The following PGS1 variants were observed in gnomAD, a reference collection of about 807,000 sequenced individuals.
PGS1 encodes the protein phosphatidylglycerophosphate synthase 1, also known as CDP-diacylglycerol--glycerol-3-phosphate 3-phosphatidyltransferase, mitochondrial.
PGS1 carries 44 observed loss-of-function variants against 58.3 expected under a neutral mutation model. The observed-to-expected ratio is 0.75, with a 90% confidence interval of 0.59 to 0.97. The LOEUF is 0.97. PGS1 is among the 50% of genes least tolerant of loss of function. The pLI, the probability that PGS1 is intolerant of heterozygous loss-of-function variation, is 0.00. For synonymous variants in PGS1, 330 were observed against 311.0 expected (o/e 1.06, Z -0.64); for missense variants, 684 against 731.1 (o/e 0.94, Z 0.74).
chr17:78,398,209 C>G (rs2083391810), intron 3 of PGS1, 43 bp from the exon 4 acceptor site: 1 of 1,372,124 alleles, frequency 7.3e-7, no homozygotes, highest in South Asian at 1.2e-5. Context: ...ATACACACAC[C>G]TCTTTGGGTC....
chr17:78,391,022 T>C (rs11653383), intron 1 of PGS1, among the ~76,000 whole-genome samples: 93,842 of 151,810 alleles, frequency 0.62, 29,068 homozygotes, highest in Admixed American at 0.65. Flanking sequence ...CTCACTGCAA[T>C]CTCCGCCTCC....
chr17:78,382,374 C>A (rs1298563557), intron 1 of PGS1, among the ~76,000 whole-genome samples: 1 of 151,954 alleles, frequency 6.6e-6, no homozygotes, highest in East Asian at 1.9e-4. Context: ...GAAGTCGGGG[C>A]AGTGGGAGCA....
intron 8 of PGS1, among the ~76,000 whole-genome samples, chr17:78,416,890 C>G (rs188989394): frequency 6.6e-6 from 1 of 152,186 alleles, no homozygotes; most frequent in Admixed American, 6.5e-5. Context: ...CTAGCCTCCC[C>G]ACAACCCAGA....
chr17:78,384,500 C>CAG (rs2082244634), intron 1 of PGS1, among the ~76,000 whole-genome samples: 1 of 152,104 alleles, frequency 6.6e-6, no homozygotes, highest in Admixed American at 6.5e-5. Context: ...TATTGCAATC[C>CAG]AGAGAGCTCA....
intron 7 of PGS1, among the ~76,000 whole-genome samples, chr17:78,406,842 G>A (rs1286167034): frequency 1.3e-5 from 2 of 152,216 alleles, no homozygotes; most frequent in East Asian, 1.9e-4. Flanking sequence ...CACTGTGCTG[G>A]AACGATGAGG....
At chr17:78,418,672 T>C (rs553473037) in intron 8 of PGS1, among the ~76,000 whole-genome samples, 1 of 152,300 alleles carries the variant, frequency 6.6e-6, no homozygotes, top group Non-Finnish European at 1.5e-5. Flanking sequence ...TAGCGCATAG[T>C]GATTTTCTTG....
At chr17:78,414,259 A>G (rs1357896855) in intron 7 of PGS1, among the ~76,000 whole-genome samples, 3 of 152,146 alleles carry the variant, frequency 2.0e-5, no homozygotes, top group Non-Finnish European at 4.4e-5. Flanking sequence ...TTCAAGGCAG[A>G]CCTGTTCTTA....
At chr17:78,423,348 G>A (rs1467236210) in intron 9 of PGS1, among the ~76,000 whole-genome samples, 1 of 152,166 alleles carries the variant, frequency 6.6e-6, no homozygotes, top group Admixed American at 6.5e-5. Context: ...TGGGGGCGGG[G>A]GCTTGGGTGT....
At chr17:78,409,925 A>G (rs1464590476) in intron 7 of PGS1, among the ~76,000 whole-genome samples, 1 of 152,232 alleles carries the variant, frequency 6.6e-6, no homozygotes, top group Non-Finnish European at 1.5e-5. Flanking sequence ...AATCTGGCCA[A>G]CATAGTGAAA....
chr17:78,397,572 G>A (rs537270518), intron 3 of PGS1, among the ~76,000 whole-genome samples: 6 of 144,624 alleles, frequency 4.1e-5, no homozygotes, highest in Admixed American at 3.6e-4. Context: ...GAGTAGTTGG[G>A]ATTACAGGCA....
At chr17:78,380,805 T>C (rs915576729) in intron 1 of PGS1, 2 of 152,188 alleles carry the variant, frequency 1.3e-5, no homozygotes. Flanking sequence ...CACAAATATT[T>C]TAAAAAAGAA....
chr17:78,393,441 A>G (rs1476574989), intron 2 of PGS1, among the ~76,000 whole-genome samples: 1 of 152,158 alleles, frequency 6.6e-6, no homozygotes, highest in African/African-American at 2.4e-5. Flanking sequence ...GTTGGTGAGG[A>G]CTGAGGACCC....
intron 9 of PGS1, chr17:78,422,021 A>C (rs1238445609): frequency 6.6e-6 from 1 of 152,220 alleles, no homozygotes; most frequent in Non-Finnish European, 1.5e-5. Context: ...TTTCTTGGAA[A>C]GTTTAGAGAT....
chr17:78,402,903 C>T (rs1207364075), intron 6 of PGS1, among the ~76,000 whole-genome samples: 1 of 152,138 alleles, frequency 6.6e-6, no homozygotes, highest in Non-Finnish European at 1.5e-5. Context: ...AGTGTGTCTG[C>T]ATGGTCACCT....
rs1240465705 is a variant in PGS1 at position 78,423,829 on chromosome 17, A to C, written c.*11-232A>C. On this transcript the variant is annotated intron_variant, in intron 9 of 9. Coordinates refer to ENST00000262764, the MANE Select transcript of PGS1 (RefSeq NM_024419.5). ...AAACCACCACCAGTTCCTGTAAAGA[A>C]TAAGTCACAGGTGCACAGGTGAAGG... 1.9e-6 allele frequency: 3 copies of C among 1,546,828 alleles called. No homozygotes were observed. The African/African-American group carries it at 4.1e-5, about 21-fold the overall frequency.
At chr17:78,384,891 G>T (rs1254759263) in intron 1 of PGS1, among the ~76,000 whole-genome samples, 1 of 152,240 alleles carries the variant, frequency 6.6e-6, no homozygotes, top group African/African-American at 2.4e-5. Context: ...TAAAGGTGCA[G>T]TGTAGACCGC....
Position 78,400,718 on chromosome 17 carries a change from G to A in PGS1, c.743G>A (p.Arg248His), listed in dbSNP as rs778707693. 1.1e-5 allele frequency: 18 copies of A among 1,613,774 alleles called. No individual in the cohort carries two copies. The highest frequency in any genetic ancestry group is 4.4e-5 in the South Asian group (4 of 91,076). Residue 248 changes from arginine (R) to histidine (H), a missense_variant, in exon 6 of 10, where the codon CGC (arginine) becomes CAC (histidine). Transcript: ENST00000262764. This position sits in a 1 kb window ranked among gnomAD's most constrained non-coding sequence, Gnocchi z 4.4. Reference protein sequence around the residue: ...SDSYFTNRQDRYVFLQDCAEI... With the variant: ...SDSYFTNRQDHYVFLQDCAEI... ...TCCTACTTCACCAACCGCCAGGACC[G>A]CTACGTGTTCCTGCAGGACTGTGCG...
rs770333126 is a variant in PGS1 at position 78,398,235 on chromosome 17, G to T, written c.412-17G>T. The T allele has an allele frequency of 1.3e-6, 2 of 1,566,012 alleles. No individual in the cohort carries two copies. The highest frequency in any genetic ancestry group is 1.1e-5 in the South Asian group (1 of 90,120). On this transcript the variant is annotated splice_polypyrimidine_tract_variant and intron_variant, in intron 3 of 9. Transcript: ENST00000262764. The stretch of plus-strand genomic sequence containing the variant: ...TCTTTGGGTCTTAATCTTCTTTTCT[G>T]TGTTCTTTCTTGGTAGGTGGACTGC...
chr17:78,384,583 C>T (rs1050971412), intron 1 of PGS1, among the ~76,000 whole-genome samples: 2 of 152,002 alleles, frequency 1.3e-5, no homozygotes, highest in African/African-American at 2.4e-5. Context: ...GAGTCTGTAC[C>T]GTGAATGTAC....
Sources: gnomAD v4.1 joint callset for allele counts (sites outside exome capture counted in the v4.1 genomes callset) on GRCh38, gnomAD v4.1.1 for gene constraint, Gnocchi (gnomAD v3.1) non-coding constraint, MANE v1.5 for transcripts, NCBI Gene and HGNC (gene_info 2026-07-23, HGNC 2026-07-21) for gene names.